The following FHIP1A variants were observed in gnomAD, a reference collection of about 807,000 sequenced individuals.
The protein encoded by FHIP1A is FHF complex subunit HOOK interacting protein 1A.
Under a neutral mutation model 88.6 loss-of-function variants are expected in FHIP1A, and 61 were observed. The ratio of observed to expected loss-of-function variants is 0.69; its 90% CI spans 0.56 to 0.85. The LOEUF (loss-of-function observed/expected upper bound fraction) is 0.85, where lower values mean the gene tolerates loss of function less well. Among genes scored for constraint, FHIP1A ranks in the 40% least tolerant of loss-of-function variants. The pLI is 0.00. For synonymous variants in FHIP1A, 478 were observed against 496.0 expected, an observed-to-expected ratio of 0.96 and a Z score of 0.48; for missense variants, 1,154 against 1,273.5, an observed-to-expected ratio of 0.91 and a Z score of 1.43.
rs186699437 is a variant in FHIP1A at position 151,649,493 on chromosome 4, C to T, written c.1452C>T (p.Ser484=). ...PVERPFPEAF[S]ESACIVEYGK... is the part of the protein sequence containing the mutation. ...AGCGGCCATTCCCCGAAGCGTTCTC[C>T]GAGTCAGCCTGCATTGTGGAGTATG... The change falls in exon 11 of 14, where the codon TCC becomes TCT. Residue 484 remains serine (S), a synonymous_variant. Coordinates refer to ENST00000435205, the MANE Select transcript of FHIP1A (RefSeq NM_001109977.3). The T allele has an allele frequency of 4.1e-5, 64 of 1,551,306 alleles. No individual in the cohort carries two copies. The highest frequency in any genetic ancestry group is 3.3e-4 in the Middle Eastern group (2 of 5,992).
At chr4:151,431,334 G>T (rs1297766257) in intron 1 of FHIP1A, among the ~76,000 whole-genome samples, 1 of 151,962 alleles carries the variant, frequency 6.6e-6, no homozygotes, top group African/African-American at 2.4e-5. Flanking sequence ...TCCCCCAGAG[G>T]GATTTGAATA....
chr4:151,429,803 C>T (rs528344914), intron 1 of FHIP1A, among the ~76,000 whole-genome samples: 26 of 144,752 alleles, frequency 1.8e-4, no homozygotes, highest in Middle Eastern at 7.4e-3. Flanking sequence ...GAGCCGAGAT[C>T]GCACCACTGC....
intron 8 of FHIP1A, among the ~76,000 whole-genome samples, chr4:151,630,659 C>A (rs1030696185): frequency 6.6e-6 from 1 of 152,042 alleles, no homozygotes; most frequent in Non-Finnish European, 1.5e-5. Context: ...AAATGTTATA[C>A]TAGAGAAAAT....
At chr4:151,532,137 T>C (rs934841428) in intron 3 of FHIP1A, among the ~76,000 whole-genome samples, 3 of 152,212 alleles carry the variant, frequency 2.0e-5, no homozygotes, top group Non-Finnish European at 4.4e-5. Context: ...TATATCGTTT[T>C]TTTGGTTTTG....
chr4:151,559,576 C>A (rs1733091154), intron 3 of FHIP1A, among the ~76,000 whole-genome samples: 1 of 152,162 alleles, frequency 6.6e-6, no homozygotes, highest in African/African-American at 2.4e-5. Context: ...ATTTTGGCAG[C>A]CTTATCCTAT....
Position 151,577,851 on chromosome 4 carries a change from C to T in FHIP1A, c.507C>T (p.Leu169=), listed in dbSNP as rs1733860016. Reference sequence around the variant, plus strand: ...AGCTGGTTGTCCTACTCAATCAGCTCTGTTCCATTCTTGCCAAAGATCCAT... The same window carrying T: ...AGCTGGTTGTCCTACTCAATCAGCTTTGTTCCATTCTTGCCAAAGATCCAT... ...EEKLVVLLNQ[L]CSILAKDPSI... The change falls in exon 5 of 14, where the codon CTC becomes CTT. Residue 169 remains leucine (L), a synonymous_variant. Coordinates refer to ENST00000435205, the MANE Select transcript of FHIP1A (RefSeq NM_001109977.3). The T allele has an allele frequency of 1.3e-6, 2 of 1,551,886 alleles. No individual in the cohort carries two copies. Among genetic ancestry groups the T allele is most frequent in the South Asian group, 1.2e-5 (1 of 84,048 alleles).
intron 7 of FHIP1A, among the ~76,000 whole-genome samples, chr4:151,591,448 TTATTTTTATTG>T (rs1299904122): frequency 1.3e-5 from 2 of 152,094 alleles, no homozygotes; most frequent in African/African-American, 4.8e-5. Flanking sequence ...AATTCTTTAT[TTATTTTTATTG>T]TATTTTTATT....
chr4:151,464,504 G>T lies in FHIP1A; in HGVS notation c.-248+9696G>T, dbSNP rs79182965. On this transcript the variant is annotated intron_variant, in intron 2 of 13. Coordinates refer to ENST00000435205, the MANE Select transcript of FHIP1A (RefSeq NM_001109977.3). ...TCACTTTGAAGACCATAGTTCTGGA[G>T]TAATGAAGGACTACTATATTAAGTA... Among the ~76,000 whole-genome samples, 939 of 152,292 alleles carry T rather than the reference G, an allele frequency of 6.2e-3. 11 individuals carry two copies. The highest frequency in any genetic ancestry group is 0.021 in the African/African-American group (875 of 41,554).
chr4:151,544,163 T>C (rs1388151050), intron 3 of FHIP1A, among the ~76,000 whole-genome samples: 2 of 152,200 alleles, frequency 1.3e-5, no homozygotes, highest in African/African-American at 2.4e-5. Flanking sequence ...ACAAAATCAT[T>C]TACTAAAGCT....
rs1281049079 is a variant in FHIP1A at position 151,665,741 on chromosome 4, T to C, written c.*2987T>C. Among the ~76,000 whole-genome samples, 1 of 152,210 alleles carries C rather than the reference T, an allele frequency of 6.6e-6. No individual in the cohort carries two copies. Among genetic ancestry groups the C allele is most frequent in the Non-Finnish European group, 1.5e-5 (1 of 68,034 alleles). ...AAATCATTGGCAATGAAGTAGAATA[T>C]TCTGGTCCTAAAGTAAATCGGCAAG... On this transcript the variant is annotated 3_prime_UTR_variant, in exon 14 of 14. Transcript: ENST00000435205.
At chr4:151,513,267 C>T (rs1731103787) in intron 3 of FHIP1A, among the ~76,000 whole-genome samples, 1 of 152,180 alleles carries the variant, frequency 6.6e-6, no homozygotes, top group South Asian at 2.1e-4. Context: ...GATTTTGTCA[C>T]CACCAGGCTT....
chr4:151,413,697 C>T (rs991792768), intron 1 of FHIP1A, among the ~76,000 whole-genome samples: 6 of 151,910 alleles, frequency 3.9e-5, no homozygotes, highest in East Asian at 1.9e-4. Context: ...TCAAGTGATC[C>T]GCCTGCCTCA....
At chr4:151,495,251 C>G (rs1454165380) in intron 3 of FHIP1A, among the ~76,000 whole-genome samples, 1 of 151,974 alleles carries the variant, frequency 6.6e-6, no homozygotes, top group Non-Finnish European at 1.5e-5. Context: ...CCCTGTAATC[C>G]CAGAACTTTG....
At chr4:151,445,285 G>A (rs1728552561) in intron 1 of FHIP1A, among the ~76,000 whole-genome samples, 1 of 152,116 alleles carries the variant, frequency 6.6e-6, no homozygotes, top group Admixed American at 6.6e-5. Context: ...CAGTCTTGGT[G>A]GAGTTTGGGA....
chr4:151,488,180 T>C (rs1730152970), intron 3 of FHIP1A, among the ~76,000 whole-genome samples: 1 of 152,236 alleles, frequency 6.6e-6, no homozygotes, highest in African/African-American at 2.4e-5. Flanking sequence ...TCATCCATTG[T>C]GGGCAATGCT....
chr4:151,638,120 T>C (rs1410856186), intron 8 of FHIP1A, among the ~76,000 whole-genome samples: 3 of 152,110 alleles, frequency 2.0e-5, no homozygotes, highest in Admixed American at 2.0e-4. Flanking sequence ...AAAAGAACAT[T>C]ATCTCACCCT....
chr4:151,568,855 T>A (rs1295766020), intron 4 of FHIP1A, among the ~76,000 whole-genome samples: 1 of 152,076 alleles, frequency 6.6e-6, no homozygotes, highest in Non-Finnish European at 1.5e-5. Context: ...TAGGAATAAA[T>A]GCTCAATTTC....
At chr4:151,610,609 T>C (rs1386318193) in intron 7 of FHIP1A, among the ~76,000 whole-genome samples, 1 of 152,216 alleles carries the variant, frequency 6.6e-6, no homozygotes, top group African/African-American at 2.4e-5. Flanking sequence ...GGCCATTTGC[T>C]ATACCCTGAG....
At chr4:151,456,897 C>A (rs1197130160) in intron 2 of FHIP1A, among the ~76,000 whole-genome samples, 2 of 151,552 alleles carry the variant, frequency 1.3e-5, no homozygotes, top group Non-Finnish European at 2.9e-5. Context: ...GCAGTTATTT[C>A]AAAAAATTTT....
Sources: allele counts gnomAD v4.1 joint callset (sites outside exome capture counted in the v4.1 genomes callset), GRCh38; gene constraint gnomAD v4.1.1; transcripts MANE v1.5; gene names NCBI Gene and HGNC (gene_info 2026-07-23, HGNC 2026-07-21).